WNT3A: variants seen among roughly 807,000 people sequenced by gnomAD.
WNT3A encodes protein Wnt-3a.
In WNT3A, 17 loss-of-function variants were observed where a neutral mutation model predicts 37.0. The observed-to-expected ratio is 0.46, with a 90% CI of 0.31 to 0.69. The LOEUF is 0.69. Among genes scored for constraint, WNT3A ranks in the 30% least tolerant of loss-of-function variants. WNT3A has a pLI of 0.05. For missense variants in WNT3A, 411 were observed against 510.2 expected (o/e 0.81, Z 1.87); for synonymous variants, 187 against 211.0 (o/e 0.89, Z 0.99).
intron 3 of WNT3A, among the ~76,000 whole-genome samples, chr1:228,055,841 T>G (rs1037945056): frequency 1.3e-5 from 2 of 152,218 alleles, no homozygotes; most frequent in Non-Finnish European, 2.9e-5. Context: ...CAGCAGCCTC[T>G]CCTTTCCCTG....
intron 1 of WNT3A, among the ~76,000 whole-genome samples, chr1:228,017,082 A>G (rs2030554959): frequency 6.6e-6 from 1 of 152,160 alleles, no homozygotes; most frequent in African/African-American, 2.4e-5. Context: ...CCTGGAGGCC[A>G]ACATGCGGGA....
chr1:228,023,974 T>C (rs2102765937), intron 2 of WNT3A, among the ~76,000 whole-genome samples: 1 of 152,220 alleles, frequency 6.6e-6, no homozygotes, highest in East Asian at 1.9e-4. Context: ...CTGTGGATAG[T>C]TTCAGCACTT....
At position 228,059,484 on chromosome 1, in the gene WNT3A, C is replaced by G. The variant is rs767551023; in HGVS notation, c.*19C>G. On this transcript the variant is annotated 3_prime_UTR_variant, in exon 4 of 4. Coordinates refer to ENST00000284523, the MANE Select transcript of WNT3A (RefSeq NM_033131.4). The stretch of plus-strand genomic sequence containing the variant: ...CAAGTAGGCACCGGCCGCGGCTCCC[C>G]CTGGACGGGGCGGGCCCTGCCTGAG... The G allele has an allele frequency of 1.3e-6, 2 of 1,488,282 alleles. No individual in the cohort carries two copies. Among genetic ancestry groups the G allele is most frequent in the African/African-American group, 2.8e-5 (2 of 71,180 alleles). The allele number at this position is 1,488,282 out of a possible 1,614,324, so 92.2% of individuals were successfully genotyped here.
At position 228,060,281 on chromosome 1, in the gene WNT3A, C is replaced by G. The variant is rs909738253; in HGVS notation, c.*816C>G. On this transcript the variant is annotated 3_prime_UTR_variant, in exon 4 of 4. Transcript: ENST00000284523. ...CCCTGTAAGGTTCCATCCACCCCTG[C>G]GTCGAGCTGGGAAGGTTCCATGAAG... The G allele has an allele frequency of 3.7e-6, 5 of 1,351,460 alleles. No individual in the cohort carries two copies. Among genetic ancestry groups the G allele is most frequent in the Non-Finnish European group, 4.9e-6 (5 of 1,021,418 alleles). 83.7% of individuals were successfully genotyped at this position (1,351,460 alleles called of 1,614,324 possible).
chr1:228,026,598 TC>T (rs1224806523), intron 2 of WNT3A, among the ~76,000 whole-genome samples: 1 of 152,226 alleles, frequency 6.6e-6, no homozygotes, highest in African/African-American at 2.4e-5. Flanking sequence ...TAGTGTTTTA[TC>T]CCTGGCTTCC....
Position 228,042,774 on chromosome 1 carries a change from TGATA to T in WNT3A, c.314-7878_314-7875del, listed in dbSNP as rs1157400467. Among the ~76,000 whole-genome samples, 1 of 151,200 alleles carries T rather than the reference TGATA, an allele frequency of 6.6e-6. No individual in the cohort carries two copies. Among genetic ancestry groups the T allele is most frequent in the Non-Finnish European group, 1.5e-5 (1 of 67,798 alleles). On this transcript the variant is annotated intron_variant, in intron 2 of 3. Coordinates refer to ENST00000284523, the MANE Select transcript of WNT3A (RefSeq NM_033131.4). The surrounding 1 kb of genome is among the most constrained non-coding windows in gnomAD (Gnocchi z 5.2). Reference sequence around the variant, plus strand: ...GAATGGATGAATGGTGGATGATGGATGATAGATGGATGATGGATAGATGTGGATG... The same window carrying T: ...GAATGGATGAATGGTGGATGATGGATGATGGATGATGGATAGATGTGGATG...
At chr1:228,028,436 G>C (rs1306012037) in intron 2 of WNT3A, among the ~76,000 whole-genome samples, 2 of 151,736 alleles carry the variant, frequency 1.3e-5, no homozygotes, top group Admixed American at 1.3e-4. Flanking sequence ...CAAGTAACTG[G>C]GATTACAGGC....
chr1:228,050,704 C>A lies in WNT3A; in HGVS notation c.362C>A (p.Ala121Asp). ...FVHAIASAGV[A>D]FAVTRSCAEG... ...CACGCCATTGCCTCAGCCGGTGTGGCCTTTGCAGTGACACGCTCATGTGCA... is the reference window on the plus strand; with the variant it reads ...CACGCCATTGCCTCAGCCGGTGTGGACTTTGCAGTGACACGCTCATGTGCA... Residue 121 changes from alanine (A) to aspartate (D), a missense_variant, in exon 3 of 4, where the codon GCC becomes GAC. By Grantham distance (126) the Ala-to-Asp change is moderately radical. Transcript: ENST00000284523. This position sits in a 1 kb window ranked among gnomAD's most constrained non-coding sequence, Gnocchi z 5.0. 1 of 1,613,680 alleles carries A rather than the reference C, an allele frequency of 6.2e-7. No individual in the cohort carries two copies.
intron 2 of WNT3A, among the ~76,000 whole-genome samples, chr1:228,043,611 G>A (rs150963493): frequency 3.3e-4 from 50 of 152,332 alleles, no homozygotes; most frequent in African/African-American, 9.9e-4. Flanking sequence ...CTTGGTTTCC[G>A]TGGAGGCTGG....
rs1571800366 is a variant in WNT3A at position 228,027,712 on chromosome 1, A to C, written c.313+4804A>C. Among the ~76,000 whole-genome samples, 3 of 151,178 alleles carry C rather than the reference A, an allele frequency of 2.0e-5. No individual in the cohort carries two copies. The South Asian group carries it at 6.3e-4, about 32-fold the overall frequency. On this transcript the variant is annotated intron_variant, in intron 2 of 3. Coordinates refer to ENST00000284523, the MANE Select transcript of WNT3A (RefSeq NM_033131.4). ...GTATGCTTTGTGAATATTTTCTCCC[A>C]CTCTGTGGGTTGTCTGTTTACTCTG...
intron 1 of WNT3A, among the ~76,000 whole-genome samples, chr1:228,016,478 G>C (rs1400990523): frequency 6.6e-6 from 1 of 152,114 alleles, no homozygotes; most frequent in Non-Finnish European, 1.5e-5. Flanking sequence ...CCCCCTGGGT[G>C]GCCTCCTGGG....
At chr1:228,043,346 T>C (rs1299882279) in intron 2 of WNT3A, among the ~76,000 whole-genome samples, 1 of 152,214 alleles carries the variant, frequency 6.6e-6, no homozygotes, top group African/African-American at 2.4e-5. Flanking sequence ...GCCAGGCTCC[T>C]TCCCAGGTGA....
chr1:228,011,633 C>T (rs1185911435), intron 1 of WNT3A, among the ~76,000 whole-genome samples: 1 of 152,196 alleles, frequency 6.6e-6, no homozygotes, highest in Non-Finnish European at 1.5e-5. Flanking sequence ...CTGTTTCTGT[C>T]ACTCTATCTC....
intron 2 of WNT3A, among the ~76,000 whole-genome samples, chr1:228,032,615 G>GT (rs977955254): frequency 6.6e-6 from 1 of 152,148 alleles, no homozygotes; most frequent in Admixed American, 6.5e-5. Flanking sequence ...AGGCATTTGG[G>GT]TTTTTTCAAT....
At chr1:228,033,227 G>A (rs1379063857) in intron 2 of WNT3A, among the ~76,000 whole-genome samples, 1 of 152,062 alleles carries the variant, frequency 6.6e-6, no homozygotes, top group East Asian at 1.9e-4. Flanking sequence ...GGCTTTTGAT[G>A]CCATATCTAA....
rs2031310880 is a variant in WNT3A at position 228,042,673 on chromosome 1, T to G, written c.314-7983T>G. Among the ~76,000 whole-genome samples, 1 of 151,682 alleles carries G rather than the reference T, an allele frequency of 6.6e-6. No individual in the cohort carries two copies. Among genetic ancestry groups the G allele is most frequent in the South Asian group, 2.1e-4 (1 of 4,786 alleles). On this transcript the variant is annotated intron_variant, in intron 2 of 3. Transcript: ENST00000284523. The surrounding 1 kb of genome is among the most constrained non-coding windows in gnomAD (Gnocchi z 5.2). ...TAGATGGTGGATGATGGGTAATGGATGGACAATGGATGGATTGTGGATGGA... is the reference window on the plus strand; with the variant it reads ...TAGATGGTGGATGATGGGTAATGGAGGGACAATGGATGGATTGTGGATGGA...
Position 228,038,725 on chromosome 1 carries a change from G to C in WNT3A, c.314-11931G>C, listed in dbSNP as rs1274754469. Among the ~76,000 whole-genome samples, 1 of 152,170 alleles carries C rather than the reference G, an allele frequency of 6.6e-6. No homozygotes were observed. The highest frequency in any genetic ancestry group is 1.5e-5 in the Non-Finnish European group (1 of 68,026). On this transcript the variant is annotated intron_variant, in intron 2 of 3. Coordinates refer to ENST00000284523, the MANE Select transcript of WNT3A (RefSeq NM_033131.4). This position sits in a 1 kb window ranked among gnomAD's most constrained non-coding sequence, Gnocchi z 5.7. The stretch of plus-strand genomic sequence containing the variant: ...GTGTGGTAATCATACAGGGTGCAGC[G>C]TGCACGGGGGGCTGTGTTCGCTGTG...
chr1:228,016,478 G>A (rs1400990523), intron 1 of WNT3A, among the ~76,000 whole-genome samples: 2 of 152,114 alleles, frequency 1.3e-5, no homozygotes, highest in Non-Finnish European at 2.9e-5. Flanking sequence ...CCCCCTGGGT[G>A]GCCTCCTGGG....
rs2031187868 is a variant in WNT3A at position 228,038,143 on chromosome 1, G to A, written c.314-12513G>A. On this transcript the variant is annotated intron_variant, in intron 2 of 3. Transcript: ENST00000284523. The surrounding 1 kb of genome is among the most constrained non-coding windows in gnomAD (Gnocchi z 5.7). The stretch of plus-strand genomic sequence containing the variant: ...GCGGGCCGCATTCCGCTCTCAGGTG[G>A]CTCCGGGGCCTTTTGTGCAGGCCAT... Among the ~76,000 whole-genome samples, 1 of 151,964 alleles carries A rather than the reference G, an allele frequency of 6.6e-6. No homozygotes were observed. Among genetic ancestry groups the A allele is most frequent in the Non-Finnish European group, 1.5e-5 (1 of 67,954 alleles).
Sources: gnomAD v4.1 joint callset for allele counts (sites outside exome capture counted in the v4.1 genomes callset) on GRCh38, gnomAD v4.1.1 for gene constraint, Gnocchi (gnomAD v3.1) non-coding constraint, MANE v1.5 for transcripts, NCBI Gene and HGNC (gene_info 2026-07-23, HGNC 2026-07-21) for gene names.